FBXL17: variants seen among roughly 807,000 people sequenced by gnomAD.
FBXL17 encodes the protein F-box and leucine rich repeat protein 17.
In FBXL17, 22 loss-of-function variants were observed where a neutral mutation model predicts 66.2. The observed-to-expected ratio is 0.33, with a 90% CI of 0.24 to 0.47. FBXL17 has a LOEUF of 0.47. Ranked by LOEUF, FBXL17 falls within the 20% of genes least tolerant of loss-of-function variation. FBXL17 has a pLI of 1.00. For synonymous variants in FBXL17, 474 were observed against 400.5 expected, an observed-to-expected ratio of 1.18 and a Z score of -2.19; for missense variants, 878 against 948.2, an observed-to-expected ratio of 0.93 and a Z score of 0.97.
At chr5:108,149,274 T>C (rs1751677747) in intron 6 of FBXL17, among the ~76,000 whole-genome samples, 1 of 152,264 alleles carries the variant, frequency 6.6e-6, no homozygotes, top group Admixed American at 6.5e-5. Context: ...AAAGCCTTAA[T>C]TATGTAAGGA....
In FBXL17 at chr5:108,114,937, T is replaced by G. The variant is rs563754805; in HGVS notation, c.1745+71180A>C. On this transcript the variant is annotated intron_variant, in intron 6 of 8. Coordinates refer to ENST00000542267, the MANE Select transcript of FBXL17 (RefSeq NM_001163315.3). ...TTTCTTATCTGGAATATTAACAGAG[T>G]GTCTCTAATCCTATACAGAAATGTA... is the stretch of plus-strand genomic sequence containing the variant. 8.8e-4 allele frequency among the ~76,000 whole-genome samples: 134 copies of G among 152,190 alleles called. 3 individuals carry two copies. The highest frequency in any genetic ancestry group is 3.1e-3 in the African/African-American group (127 of 41,532).
intron 7 of FBXL17, among the ~76,000 whole-genome samples, chr5:107,952,066 T>G (rs1751514943): frequency 6.6e-6 from 1 of 151,950 alleles, no homozygotes; most frequent in South Asian, 2.1e-4. Context: ...AAATTTTGAC[T>G]ATTTTAACAC....
At chr5:108,228,852 A>G (rs968511750) in intron 4 of FBXL17, among the ~76,000 whole-genome samples, 6 of 152,212 alleles carry the variant, frequency 3.9e-5, no homozygotes, top group South Asian at 2.1e-4. Flanking sequence ...CTGACTCCCT[A>G]TGGTAGAAAG....
At chr5:108,314,686 T>C (rs1759276939) in intron 4 of FBXL17, among the ~76,000 whole-genome samples, 1 of 151,548 alleles carries the variant, frequency 6.6e-6, no homozygotes, top group Non-Finnish European at 1.5e-5. Flanking sequence ...AAATTACTAC[T>C]TCTAAGAGTG....
At chr5:108,143,789 T>C (rs1182589820) in intron 6 of FBXL17, among the ~76,000 whole-genome samples, 1 of 150,392 alleles carries the variant, frequency 6.6e-6, no homozygotes, top group Admixed American at 6.6e-5. Context: ...ACTCATCCTG[T>C]CTGTGGATGT....
chr5:108,153,092 G>C (rs1751832735), intron 6 of FBXL17, among the ~76,000 whole-genome samples: 1 of 152,092 alleles, frequency 6.6e-6, no homozygotes, highest in Non-Finnish European at 1.5e-5. Flanking sequence ...GTGTGACTTT[G>C]CTCCTCCTTT....
chr5:108,358,004 A>G (rs1748110834), intron 3 of FBXL17, among the ~76,000 whole-genome samples: 1 of 152,100 alleles, frequency 6.6e-6, no homozygotes, highest in Non-Finnish European at 1.5e-5. Flanking sequence ...GTAGAAATAC[A>G]ACTGATTTTT....
At chr5:108,017,077 C>T (rs1162867147) in intron 7 of FBXL17, among the ~76,000 whole-genome samples, 1 of 152,000 alleles carries the variant, frequency 6.6e-6, no homozygotes, top group Admixed American at 6.6e-5. Context: ...CTATGCCTGG[C>T]CTTGAAGGAA....
intron 6 of FBXL17, among the ~76,000 whole-genome samples, chr5:108,166,277 A>C (rs1752412283): frequency 6.6e-6 from 1 of 152,214 alleles, no homozygotes; most frequent in Admixed American, 6.5e-5. Context: ...TGGGCCTGGA[A>C]AAACAGAGCA....
intron 7 of FBXL17, among the ~76,000 whole-genome samples, chr5:107,979,037 A>G (rs1752699947): frequency 6.6e-6 from 1 of 152,226 alleles, no homozygotes; most frequent in Non-Finnish European, 1.5e-5. Flanking sequence ...TCTAACTGTA[A>G]AATGGGGATA....
chr5:108,055,085 A>C (rs1747634455), intron 6 of FBXL17, among the ~76,000 whole-genome samples: 1 of 152,002 alleles, frequency 6.6e-6, no homozygotes, highest in African/African-American at 2.4e-5. Flanking sequence ...GGTTTTTAAA[A>C]ATTTTTCATC....
Position 108,380,987 on chromosome 5 carries a change from TC to T in FBXL17, c.704del (p.Gly235GlufsTer123). 1 of 1,207,960 alleles carries T rather than the reference TC, an allele frequency of 8.3e-7. No homozygotes were observed. 74.8% of individuals were successfully genotyped at this position (1,207,960 alleles called of 1,614,324 possible). On this transcript the variant is annotated frameshift_variant, in exon 1 of 9. Transcript: ENST00000542267. LOFTEE classifies it high-confidence loss of function. ...CGGGGGGCCGGGGCGGCGAAGCGCC[TC>T]CCCCCGCAGGCCCTCCCCCGCCACC... ...GGGGGGGPAG[G>X]GASPPRPPDA... is the part of the protein sequence containing the mutation.
intron 4 of FBXL17, among the ~76,000 whole-genome samples, chr5:108,321,334 T>C (rs540340064): frequency 6.6e-6 from 1 of 151,992 alleles, no homozygotes; most frequent in East Asian, 1.9e-4. Context: ...TTTATTCTGC[T>C]GCTTCTTTGA....
At chr5:107,990,814 T>C (rs917457797) in intron 7 of FBXL17, among the ~76,000 whole-genome samples, 2 of 152,122 alleles carry the variant, frequency 1.3e-5, no homozygotes, top group African/African-American at 4.8e-5. Flanking sequence ...TATCTCATGG[T>C]GTCTTGTGTA....
intron 4 of FBXL17, among the ~76,000 whole-genome samples, chr5:108,230,892 C>T (rs529126370): frequency 3.2e-4 from 49 of 152,080 alleles, no homozygotes; most frequent in African/African-American, 1.1e-3. Flanking sequence ...TCACTATTAA[C>T]GAACTTACAA....
chr5:107,897,650 C>G (rs959290558), intron 7 of FBXL17, among the ~76,000 whole-genome samples: 5 of 151,958 alleles, frequency 3.3e-5, no homozygotes, highest in Admixed American at 6.6e-5. Context: ...ACCTCTAGAT[C>G]AGGAAATTGC....
At chr5:108,306,097 T>C (rs550182183) in intron 4 of FBXL17, among the ~76,000 whole-genome samples, 6 of 152,240 alleles carry the variant, frequency 3.9e-5, no homozygotes, top group East Asian at 1.9e-4. Flanking sequence ...AATGGAAGAA[T>C]ACATGAATTG....
At chr5:107,970,841 G>A (rs549963580) in intron 7 of FBXL17, among the ~76,000 whole-genome samples, 1 of 152,296 alleles carries the variant, frequency 6.6e-6, no homozygotes, top group African/African-American at 2.4e-5. Flanking sequence ...GTTCCCTGCA[G>A]GTGCTCCCCG....
chr5:108,177,346 T>G (rs1408867827), intron 6 of FBXL17, among the ~76,000 whole-genome samples: 1 of 152,162 alleles, frequency 6.6e-6, no homozygotes, highest in East Asian at 1.9e-4. Flanking sequence ...TAAGCTGTTT[T>G]TTAAAATATC....
Sources: gnomAD v4.1 joint callset for allele counts (sites outside exome capture counted in the v4.1 genomes callset) on GRCh38, gnomAD v4.1.1 for gene constraint, MANE v1.5 for transcripts, NCBI Gene and HGNC (gene_info 2026-07-23, HGNC 2026-07-21) for gene names.